The following DSE variants were observed in gnomAD, a reference collection of about 807,000 sequenced individuals.
DSE encodes the protein dermatan-sulfate epimerase.
A neutral mutation model predicts 84.4 loss-of-function variants in DSE; 36 were observed. The ratio of observed to expected loss-of-function variants is 0.43; its 90% CI spans 0.33 to 0.56. The LOEUF is 0.56. Ranked by LOEUF, DSE falls within the 20% of genes least tolerant of loss-of-function variation. The probability of loss-of-function intolerance (pLI) is 0.06; values close to 1 mark genes in which losing one functional copy is unlikely to be tolerated. For synonymous variants in DSE, 410 were observed against 430.1 expected (o/e 0.95, Z 0.58); for missense variants, 862 against 1,169.6 (o/e 0.74, Z 3.84).
chr6:116,411,978 A>G (rs1312425137), intron 2 of DSE, among the ~76,000 whole-genome samples: 2 of 152,254 alleles, frequency 1.3e-5, no homozygotes, highest in African/African-American at 4.8e-5. Flanking sequence ...AGTTTGGCTC[A>G]TAATTTTAAT....
intron 2 of DSE, chr6:116,278,152 C>G (rs1773255381): frequency 3.2e-6 from 1 of 310,740 alleles, no homozygotes. Context: ...GAACAGGCTC[C>G]CAAAGCTAGA....
At position 116,372,555 on chromosome 6, in the gene DSE, C is replaced by CA. The variant is rs199826495; in HGVS notation, c.-54+1440dup. 5.9e-3 allele frequency among the ~76,000 whole-genome samples: 904 copies of CA among 152,256 alleles called. 10 individuals carry two copies. The highest frequency in any genetic ancestry group is 0.02 in the African/African-American group (833 of 41,530). ...CTAACTATATTACTAAATGGGATCA[C>CA]AAAAAACCTAATGTGCATGGAAGAA... On this transcript the variant is annotated intron_variant, in intron 1 of 5. Coordinates refer to ENST00000644252, the MANE Select transcript of DSE (RefSeq NM_013352.4).
At chr6:116,305,741 G>A (rs1016626045) in intron 2 of DSE, among the ~76,000 whole-genome samples, 7 of 152,068 alleles carry the variant, frequency 4.6e-5, no homozygotes, top group Non-Finnish European at 7.4e-5. Context: ...AGGTTCAAGC[G>A]ATTCTCCTGC....
intron 1 of DSE, among the ~76,000 whole-genome samples, chr6:116,398,148 C>G (rs142238981): frequency 6.6e-6 from 1 of 152,158 alleles, no homozygotes; most frequent in African/African-American, 2.4e-5. Flanking sequence ...ATAACCTTTC[C>G]CCTCTTAAGA....
At chr6:116,275,447 C>A (rs143817285) in intron 2 of DSE, among the ~76,000 whole-genome samples, 6 of 152,320 alleles carry the variant, frequency 3.9e-5, no homozygotes, top group South Asian at 2.1e-4. Flanking sequence ...TTATTTTGTT[C>A]TTTTTCCTCC....
intron 2 of DSE, among the ~76,000 whole-genome samples, chr6:116,345,786 G>A (rs1282389267): frequency 6.6e-6 from 1 of 152,098 alleles, no homozygotes; most frequent in African/African-American, 2.4e-5. Flanking sequence ...AACTGAAGGA[G>A]ATAGAGACAC....
At chr6:116,348,469 G>T (rs1222294401) in intron 2 of DSE, among the ~76,000 whole-genome samples, 1 of 151,920 alleles carries the variant, frequency 6.6e-6, no homozygotes, top group Non-Finnish European at 1.5e-5. Flanking sequence ...CAAAAGTCAG[G>T]AAACAACAGG....
intron 2 of DSE, among the ~76,000 whole-genome samples, chr6:116,357,240 AAC>A (rs1778628047): frequency 6.6e-6 from 1 of 152,132 alleles, no homozygotes; most frequent in Non-Finnish European, 1.5e-5. Context: ...TAGCCACAAA[AAC>A]AAGTTATCAG....
upstream of DSE, among the ~76,000 whole-genome samples, chr6:116,368,063 A>C (rs887411580): frequency 2.0e-5 from 3 of 152,320 alleles, no homozygotes; most frequent in African/African-American, 7.2e-5. Context: ...TTGTTTTTTG[A>C]CAATATTACA....
At chr6:116,324,826 G>C (rs549012366) in intron 2 of DSE, among the ~76,000 whole-genome samples, 1 of 152,286 alleles carries the variant, frequency 6.6e-6, no homozygotes, top group South Asian at 2.1e-4. Flanking sequence ...TAGGGGGAGA[G>C]TTTCACCCTT....
At chr6:116,255,528 A>C (rs1336312299) in intron 1 of DSE, 2 of 152,238 alleles carry the variant, frequency 1.3e-5, no homozygotes, top group Non-Finnish European at 2.9e-5. Flanking sequence ...ATATGCAAAC[A>C]AGATTCACAC....
intron 2 of DSE, among the ~76,000 whole-genome samples, chr6:116,424,472 C>CTGAT (rs1783303094): frequency 6.6e-6 from 1 of 152,226 alleles, no homozygotes; most frequent in Admixed American, 6.5e-5. Flanking sequence ...AAAGGGATCT[C>CTGAT]TCCAAATTCC....
rs960728145 is a variant in DSE, at chr6:116,440,440, G to C, written c.*3095G>C. The C allele has an allele frequency of 6.6e-6, 1 of 152,166 alleles. No homozygotes were observed. Among genetic ancestry groups the C allele is most frequent in the African/African-American group, 2.4e-5 (1 of 41,416 alleles). The allele number at this position is 152,166 out of a possible 1,614,324, so 9.4% of individuals were successfully genotyped here. A position where few individuals can be genotyped will look rare whatever the true frequency, so the allele number is the denominator to read the frequency against. On this transcript the variant is annotated 3_prime_UTR_variant, in exon 6 of 6. Coordinates refer to ENST00000644252, the MANE Select transcript of DSE (RefSeq NM_013352.4). ...AGCCTTCCAAAGTACTGGGATTAGA[G>C]GCATAGGTCATCATGCCCGGCCAAG...
chr6:116,292,901 A>G (rs1473395180), intron 2 of DSE, among the ~76,000 whole-genome samples: 1 of 152,220 alleles, frequency 6.6e-6, no homozygotes, highest in Non-Finnish European at 1.5e-5. Context: ...CCTTGTATCT[A>G]TATAAATGCA....
chr6:116,323,836 G>T (rs1776467804), intron 2 of DSE, among the ~76,000 whole-genome samples: 1 of 152,134 alleles, frequency 6.6e-6, no homozygotes, highest in South Asian at 2.1e-4. Flanking sequence ...GCCTGATCAT[G>T]TGCATCTTTC....
Position 116,440,998 on chromosome 6 carries a change from T to C in DSE, c.*3653T>C, listed in dbSNP as rs1482406094. 6.6e-6 allele frequency: 1 copy of C among 152,220 alleles called. No individual in the cohort carries two copies. The highest frequency in any genetic ancestry group is 1.9e-4 in the East Asian group (1 of 5,200). The allele number at this position is 152,220 out of a possible 1,614,324, so 9.4% of individuals were successfully genotyped here. On this transcript the variant is annotated 3_prime_UTR_variant, in exon 6 of 6. Transcript: ENST00000644252. Reference sequence around the variant, plus strand: ...TGATTCTCTTCTCTTTACTTTCATGTTGAGAAGTAGTTTCTTTCTGCAGTT... The same window carrying C: ...TGATTCTCTTCTCTTTACTTTCATGCTGAGAAGTAGTTTCTTTCTGCAGTT...
intron 2 of DSE, among the ~76,000 whole-genome samples, chr6:116,406,658 T>G (rs1370006254): frequency 6.6e-6 from 1 of 152,248 alleles, no homozygotes; most frequent in African/African-American, 2.4e-5. Context: ...TTTATAAAGC[T>G]GGGTAGTTCC....
chr6:116,319,336 A>C (rs899066184), intron 2 of DSE, among the ~76,000 whole-genome samples: 12 of 152,252 alleles, frequency 7.9e-5, no homozygotes, highest in African/African-American at 2.9e-4. Flanking sequence ...ATTTACTGTA[A>C]GCACGGGAAC....
At chr6:116,354,147 C>T (rs770114230) in intron 2 of DSE, among the ~76,000 whole-genome samples, 1 of 152,066 alleles carries the variant, frequency 6.6e-6, no homozygotes, top group Non-Finnish European at 1.5e-5. Context: ...AGTTCAGGTC[C>T]TTGATATATG....
Sources: gnomAD v4.1 joint callset for allele counts (sites outside exome capture counted in the v4.1 genomes callset) on GRCh38, gnomAD v4.1.1 for gene constraint, MANE v1.5 for transcripts, NCBI Gene and HGNC (gene_info 2026-07-23, HGNC 2026-07-21) for gene names.